The following RALGPS1 variants were observed in gnomAD, a reference collection of about 807,000 sequenced individuals.
RALGPS1 encodes Ral GEF with PH domain and SH3 binding motif 1.
RALGPS1 carries 19 observed loss-of-function variants against 78.8 expected under a neutral mutation model. That is an observed-to-expected ratio of 0.24 (90% CI 0.17 to 0.35). RALGPS1 has a LOEUF of 0.35. Ranked by LOEUF, RALGPS1 falls within the 10% of genes least tolerant of loss-of-function variation. The pLI is 1.00. For synonymous variants in RALGPS1, 228 were observed against 256.3 expected, an observed-to-expected ratio of 0.89 and a Z score of 1.06; for missense variants, 454 against 688.3, an observed-to-expected ratio of 0.66 and a Z score of 3.81.
chr9:127,000,024 T>G (rs1693983601), intron 4 of RALGPS1, among the ~76,000 whole-genome samples: 1 of 152,234 alleles, frequency 6.6e-6, no homozygotes, highest in African/African-American at 2.4e-5. Flanking sequence ...CTTTTTATTC[T>G]TTTAATATCT....
At chr9:127,209,564 C>G (rs2062122333) in intron 14 of RALGPS1, among the ~76,000 whole-genome samples, 1 of 152,078 alleles carries the variant, frequency 6.6e-6, no homozygotes, top group Non-Finnish European at 1.5e-5. Context: ...ACTGGGGGTC[C>G]AAGCACATGC....
rs149900693 is a variant in RALGPS1 at position 127,216,833 on chromosome 9, T to C, written c.1645-1907T>C. On this transcript the variant is annotated intron_variant, in intron 18 of 18. Coordinates refer to ENST00000259351, the MANE Select transcript of RALGPS1 (RefSeq NM_014636.3). ...CCATACTGGTCACACCATGTGTGTCTGGGGTCCCTCAGTAGCTCTGAGGGC... is the reference window on the plus strand; with the variant it reads ...CCATACTGGTCACACCATGTGTGTCCGGGGTCCCTCAGTAGCTCTGAGGGC... The C allele has an allele frequency of 3.7e-6, 5 of 1,364,828 alleles. No individual in the cohort carries two copies. In the African/African-American group the frequency reaches 7.4e-5, roughly 20 times the overall value. The allele number at this position is 1,364,828 out of a possible 1,614,324, so 84.5% of individuals were successfully genotyped here. A position where few individuals can be genotyped will look rare whatever the true frequency, so the allele number is the denominator to read the frequency against.
At chr9:127,194,225 A>G (rs148961533) in intron 11 of RALGPS1, among the ~76,000 whole-genome samples, 50 of 152,316 alleles carry the variant, frequency 3.3e-4, no homozygotes, top group Admixed American at 5.2e-4. Context: ...CACTTTTCAG[A>G]TGAGGAAACT....
At chr9:127,103,610 G>C (rs1348758550) in intron 8 of RALGPS1, among the ~76,000 whole-genome samples, 5 of 152,184 alleles carry the variant, frequency 3.3e-5, no homozygotes, top group African/African-American at 9.7e-5. Flanking sequence ...CTTTCTACTG[G>C]GGAGCTTGGC....
chr9:126,932,118 T>C (rs1186994470), intron 1 of RALGPS1, among the ~76,000 whole-genome samples: 1 of 152,154 alleles, frequency 6.6e-6, no homozygotes, highest in African/African-American at 2.4e-5. Context: ...CTCTTCCAAC[T>C]CACATTGGGT....
chr9:126,976,420 T>TCACA (rs5900740), intron 3 of RALGPS1, among the ~76,000 whole-genome samples: 93 of 150,144 alleles, frequency 6.2e-4, no homozygotes, highest in African/African-American at 2.1e-3. Context: ...CACCATATAC[T>TCACA]CACACACACA....
At chr9:126,967,995 T>A (rs1183508742) in intron 3 of RALGPS1, among the ~76,000 whole-genome samples, 1 of 150,640 alleles carries the variant, frequency 6.6e-6, no homozygotes, top group African/African-American at 2.4e-5. Flanking sequence ...CCTGAAAGAG[T>A]TCAATTCTTT....
chr9:127,083,738 T>C (rs1339857661), intron 8 of RALGPS1, among the ~76,000 whole-genome samples: 5 of 152,208 alleles, frequency 3.3e-5, no homozygotes, highest in African/African-American at 1.2e-4. Flanking sequence ...CAGTCAAAGC[T>C]GAGAACTTAG....
chr9:126,982,787 T>C (rs1051468297), intron 4 of RALGPS1, among the ~76,000 whole-genome samples: 1 of 141,264 alleles, frequency 7.1e-6, no homozygotes, highest in Non-Finnish European at 1.5e-5. Flanking sequence ...CTTCTTCCTC[T>C]TCTTCTTCTT....
At chr9:127,178,148 T>A in intron 11 of RALGPS1, 1 of 704,108 alleles carries the variant, frequency 1.4e-6, no homozygotes, top group Non-Finnish European at 2.1e-6. Context: ...GCAGGGTCTG[T>A]GGGCAGGGAG....
rs189684017 is a variant in RALGPS1 at position 127,040,602 on chromosome 9, A to G, written c.300+6088A>G. Among the ~76,000 whole-genome samples, 16 of 152,262 alleles carry G rather than the reference A, an allele frequency of 1.1e-4. 1 individual carries two copies. Among genetic ancestry groups the G allele is most frequent in the Admixed American group, 8.5e-4 (13 of 15,294 alleles). On this transcript the variant is annotated intron_variant, in intron 5 of 18. Transcript: ENST00000259351. ...ATGGAACCGAAATTTTCTGACATAG[A>G]GCAGGTCTGGGAAATCAAGAAGAAA...
intron 8 of RALGPS1, chr9:127,108,391 C>T (rs899292890): frequency 1.9e-6 from 3 of 1,608,998 alleles, no homozygotes; most frequent in Admixed American, 3.3e-5. Flanking sequence ...CACAATGCCG[C>T]CGTCCACCTC....
At chr9:127,131,288 C>T (rs1380463482) in intron 8 of RALGPS1, among the ~76,000 whole-genome samples, 2 of 152,222 alleles carry the variant, frequency 1.3e-5, no homozygotes, top group African/African-American at 4.8e-5. Context: ...GGTCACTAAA[C>T]TAGTCTAAAG....
At chr9:127,092,807 A>C (rs540933722) in intron 8 of RALGPS1, among the ~76,000 whole-genome samples, 26 of 152,060 alleles carry the variant, frequency 1.7e-4, no homozygotes, top group African/African-American at 6.0e-4. Flanking sequence ...AGAGGAGAAA[A>C]AAGCAGAGAC....
chr9:126,977,092 G>T (rs1276454228), intron 3 of RALGPS1, among the ~76,000 whole-genome samples: 2 of 152,202 alleles, frequency 1.3e-5, no homozygotes, highest in East Asian at 3.8e-4. Flanking sequence ...TGCTATGCAA[G>T]TTCCAAATGC....
Position 127,112,417 on chromosome 9 carries a change from C to T in RALGPS1, c.610+43061C>T, listed in dbSNP as rs560223789. Among the ~76,000 whole-genome samples, 116 of 152,368 alleles carry T rather than the reference C, an allele frequency of 7.6e-4. 2 individuals carry two copies. The highest frequency in any genetic ancestry group is 3.9e-4 in the Admixed American group (6 of 15,310). On this transcript the variant is annotated intron_variant, in intron 8 of 18. Coordinates refer to ENST00000259351, the MANE Select transcript of RALGPS1 (RefSeq NM_014636.3). Reference sequence around the variant, plus strand: ...CTCACCTGAGGCAGTGGGTGACAGACACCTCTCTGTGCCCATGTGGGCGCA... The same window carrying T: ...CTCACCTGAGGCAGTGGGTGACAGATACCTCTCTGTGCCCATGTGGGCGCA...
chr9:126,960,519 C>T (rs978613622), intron 1 of RALGPS1, among the ~76,000 whole-genome samples: 11 of 152,060 alleles, frequency 7.2e-5, no homozygotes, highest in Admixed American at 6.5e-4. Flanking sequence ...CAGGTGTGAG[C>T]CACTGTGCCT....
At chr9:127,163,134 C>A (rs1248332931) in intron 8 of RALGPS1, among the ~76,000 whole-genome samples, 1 of 152,196 alleles carries the variant, frequency 6.6e-6, no homozygotes, top group African/African-American at 2.4e-5. Context: ...TCTGAGCCAG[C>A]TGGGCCGAAG....
intron 3 of RALGPS1, among the ~76,000 whole-genome samples, chr9:126,976,641 A>G (rs951283705): frequency 6.6e-6 from 1 of 152,182 alleles, no homozygotes; most frequent in African/African-American, 2.4e-5. Flanking sequence ...GTCCAGACAC[A>G]CACCCAAGCC....
Sources: gnomAD v4.1 joint callset for allele counts (sites outside exome capture counted in the v4.1 genomes callset) on GRCh38, gnomAD v4.1.1 for gene constraint, MANE v1.5 for transcripts, NCBI Gene and HGNC (gene_info 2026-07-23, HGNC 2026-07-21) for gene names.